ADRM1: variants seen among roughly 807,000 people sequenced by gnomAD.
The protein encoded by ADRM1 is ADRM1 26S proteasome ubiquitin receptor.
A neutral mutation model predicts 40.1 loss-of-function variants in ADRM1; 2 were observed. That is an observed-to-expected ratio of 0.05 (90% CI 0.02 to 0.16). The LOEUF is 0.16. ADRM1 is among the 10% of genes least tolerant of loss of function. The pLI is 1.00. For missense variants in ADRM1, 467 were observed against 552.5 expected, an observed-to-expected ratio of 0.85 and a Z score of 1.55; for synonymous variants, 287 against 240.4, an observed-to-expected ratio of 1.19 and a Z score of -1.79.
rs752781601 is a variant in ADRM1, at chr20:62,308,842, G to GTCTTT, written c.*88_*92dup. On this transcript the variant is annotated 3_prime_UTR_variant, in exon 10 of 10. Coordinates refer to ENST00000253003, the MANE Select transcript of ADRM1 (RefSeq NM_007002.4). ...CTCCCACCCACTGATTATTAATAAA[G>GTCTTT]TCTTTTCTTTTACCTGCCAATGCTT... The GTCTTT allele has an allele frequency of 9.1e-6, 14 of 1,541,808 alleles. No homozygotes were observed. The East Asian group carries it at 1.6e-4, about 18-fold the overall frequency.
At chr20:62,304,145 G>A in intron 2 of ADRM1, 1 of 478,868 alleles carries the variant, frequency 2.1e-6, no homozygotes, top group Admixed American at 3.5e-5. Flanking sequence ...ACTCTTAGTT[G>A]TTCTTTGTTA....
Position 62,307,652 on chromosome 20 carries a change from C to T in ADRM1, c.680C>T (p.Ala227Val). The T allele has an allele frequency of 3.7e-6, 6 of 1,612,068 alleles. No individual in the cohort carries two copies. The highest frequency in any genetic ancestry group is 5.1e-6 in the Non-Finnish European group (6 of 1,179,896). The part of the protein sequence containing the change: ...TPSSTTSSTR[A>V]TPAPSAPAAA... ...TCATCCACCACCTCTTCCACCCGTG[C>T]CACCCCAGCCCCTTCTGCTCCAGCA... Residue 227 changes from alanine to valine, a missense_variant, in exon 7 of 10, where the codon GCC becomes GTC. By Grantham distance (64) the Ala-to-Val change is moderately conservative. This residue lies in a region of ADRM1 where 418 missense variants were observed against 474.6 expected (regional missense o/e 0.88). Coordinates refer to ENST00000253003, the MANE Select transcript of ADRM1 (RefSeq NM_007002.4).
rs563137376 is a variant in ADRM1, at chr20:62,308,766, C to T, written c.*5C>T. The T allele has an allele frequency of 2.6e-5, 42 of 1,612,544 alleles. No homozygotes were observed. Among genetic ancestry groups the T allele is most frequent in the Non-Finnish European group, 3.3e-5 (39 of 1,179,840 alleles). On this transcript the variant is annotated 3_prime_UTR_variant, in exon 10 of 10. Coordinates refer to ENST00000253003, the MANE Select transcript of ADRM1 (RefSeq NM_007002.4). ...GAGGACATGAGCCTGGACTGAGCCA[C>T]GCGCCGTCCTCCGAGGAACTGGGCG...
At chr20:62,304,877 G>A (rs1335561393) in intron 3 of ADRM1, among the ~76,000 whole-genome samples, 2 of 152,200 alleles carry the variant, frequency 1.3e-5, no homozygotes, top group Admixed American at 6.5e-5. Context: ...GCCCCTTGCC[G>A]TGGGTCACTG....
intron 2 of ADRM1, chr20:62,304,023 T>TC (rs762349996): frequency 9.5e-5 from 53 of 555,206 alleles, no homozygotes; most frequent in Non-Finnish European, 1.5e-4. Flanking sequence ...AGCCCGGAGC[T>TC]CTGTGCCTGG....
At chr20:62,306,345 G>A in intron 4 of ADRM1, 25 bp downstream of exon 4, 1 of 1,612,528 alleles carries the variant, frequency 6.2e-7, no homozygotes, top group South Asian at 1.1e-5. Flanking sequence ...TGTCACGTGA[G>A]CTCAGGGTTT....
chr20:62,307,861 G>A (rs774683073), intron 7 of ADRM1, 33 bp downstream of exon 7: 14 of 1,575,524 alleles, frequency 8.9e-6, no homozygotes, highest in Admixed American at 1.8e-5. Flanking sequence ...GCTGGGTGGG[G>A]GGCATGGGGC....
chr20:62,307,761 G>A lies in ADRM1; in HGVS notation c.789G>A (p.Gln263=), dbSNP rs1985314444. 1.2e-6 allele frequency: 2 copies of A among 1,611,958 alleles called. No homozygotes were observed. The highest frequency in any genetic ancestry group is 1.7e-6 in the Non-Finnish European group (2 of 1,179,792). The change falls in exon 7 of 10, where the codon CAG becomes CAA. Residue 263 remains glutamine (Q), a synonymous_variant. Coordinates refer to ENST00000253003, the MANE Select transcript of ADRM1 (RefSeq NM_007002.4). Reference sequence around the variant, plus strand: ...CAGCCAGCCCGACCCAGCCCATCCAGCTGAGCGACCTCCAGAGCATCCTGG... The same window carrying A: ...CAGCCAGCCCGACCCAGCCCATCCAACTGAGCGACCTCCAGAGCATCCTGG... ...STAASPTQPI[Q]LSDLQSILAT...
chr20:62,307,080 G>A, intron 5 of ADRM1, among the ~76,000 whole-genome samples: 1 of 152,232 alleles, frequency 6.6e-6, no homozygotes, highest in East Asian at 1.9e-4. Context: ...GCAGACCCGT[G>A]TGCTTGGCCC....
intron 5 of ADRM1, among the ~76,000 whole-genome samples, 187 bp from the exon 6 acceptor site, chr20:62,307,184 G>A (rs1461485821): frequency 1.3e-5 from 2 of 152,230 alleles, no homozygotes; most frequent in Admixed American, 6.5e-5. Flanking sequence ...AAATGACCTT[G>A]CTTCCAGAAC....
intron 2 of ADRM1, 88 bp downstream of exon 2, chr20:62,303,869 C>G: frequency 1.5e-6 from 2 of 1,378,650 alleles, no homozygotes; most frequent in Non-Finnish European, 2.0e-6. Flanking sequence ...GGGGCTTGGC[C>G]GCATCTGGGG....
At chr20:62,307,548 CTG>C in intron 6 of ADRM1, 46 bp from the exon 7 acceptor site, 1 of 1,601,298 alleles carries the variant, frequency 6.2e-7, no homozygotes, top group Non-Finnish European at 8.5e-7. Context: ...CGAGTAGGCC[CTG>C]CCGTGTGGGG....
chr20:62,308,539 G>A (rs534474264), intron 9 of ADRM1, 69 bp downstream of exon 9: 51 of 1,560,126 alleles, frequency 3.3e-5, no homozygotes, highest in Middle Eastern at 1.7e-4. Context: ...CCCTGGATCT[G>A]CAGAAGTGGG....
intron 2 of ADRM1, 45 bp from the exon 3 acceptor site, chr20:62,304,416 T>C: frequency 2.0e-6 from 3 of 1,525,426 alleles, no homozygotes; most frequent in Non-Finnish European, 2.7e-6. Context: ...CTGGGCACAG[T>C]GATGCCATCT....
At chr20:62,306,424 A>G (rs1601238523) in intron 4 of ADRM1, 104 bp downstream of exon 4, 1 of 1,579,752 alleles carries the variant, frequency 6.3e-7, no homozygotes, top group Non-Finnish European at 8.7e-7. Flanking sequence ...GTGGAAATAG[A>G]AGATTCTAAA....
chr20:62,306,866 C>A, intron 5 of ADRM1, 132 bp downstream of exon 5: 1 of 923,558 alleles, frequency 1.1e-6, no homozygotes, highest in Non-Finnish European at 1.6e-6. Flanking sequence ...CAAGCTGGTT[C>A]CCCTTTGGGA....
intron 5 of ADRM1, among the ~76,000 whole-genome samples, chr20:62,307,103 T>C (rs1315339855): frequency 1.3e-5 from 2 of 152,236 alleles, no homozygotes; most frequent in African/African-American, 2.4e-5. Context: ...CAGAAATGCT[T>C]GTCCCTTTGG....
Position 62,307,767 on chromosome 20 carries a change from C to G in ADRM1, c.795C>G (p.Ser265Arg). Reference protein sequence around the residue: ...AASPTQPIQLSDLQSILATMN... With the variant: ...AASPTQPIQLRDLQSILATMN... ...GCCCGACCCAGCCCATCCAGCTGAG[C>G]GACCTCCAGAGCATCCTGGCCACGA... Residue 265 changes from serine to arginine, a missense_variant, in exon 7 of 10, where the codon AGC (serine) becomes AGG (arginine). This residue lies in a region of ADRM1 where 418 missense variants were observed against 474.6 expected (regional missense o/e 0.88). Transcript: ENST00000253003. 1 of 1,611,556 alleles carries G rather than the reference C, an allele frequency of 6.2e-7. No individual in the cohort carries two copies. The highest frequency in any genetic ancestry group is 8.5e-7 in the Non-Finnish European group (1 of 1,179,628).
intron 2 of ADRM1, chr20:62,304,035 C>G: frequency 1.8e-6 from 1 of 548,252 alleles, no homozygotes; most frequent in Admixed American, 3.2e-5. Context: ...TGTGCCTGGC[C>G]TTGAACTGTC....
Sources: allele counts gnomAD v4.1 joint callset (sites outside exome capture counted in the v4.1 genomes callset), GRCh38; gene constraint gnomAD v4.1.1; regional missense constraint gnomAD v4.1.1; transcripts MANE v1.5; gene names NCBI Gene and HGNC (gene_info 2026-07-23, HGNC 2026-07-21).